MYRFL: variants seen among roughly 807,000 people sequenced by gnomAD.
MYRFL encodes the protein myelin regulatory factor like, also known as myelin regulatory factor-like protein.
Under a neutral mutation model 109.4 loss-of-function variants are expected in MYRFL, and 88 were observed. The observed-to-expected ratio is 0.80, with a 90% CI of 0.68 to 0.96. The LOEUF (loss-of-function observed/expected upper bound fraction) is 0.96. MYRFL is among the 40% of genes least tolerant of loss of function. The pLI is 0.00. For synonymous variants in MYRFL, 324 were observed against 320.9 expected (o/e 1.01, Z -0.10); for missense variants, 957 against 954.9 (o/e 1.00, Z -0.03).
rs1411897632 is a variant in MYRFL, at chr12:69,879,434, C to T, written c.445C>T (p.Pro149Ser). Residue 149 changes from proline (P) to serine (S), a missense_variant, in exon 4 of 25, where the codon CCT becomes TCT. Transcript: ENST00000552032. ...LGIGCSYPQQ[P>S]LCHSPGASLP... The stretch of plus-strand genomic sequence containing the variant: ...GATAGGTTGTTCTTACCCTCAGCAG[C>T]CTCTGTGTCACAGCCCTGGGTAAAG... 7.1e-6 allele frequency: 5 copies of T among 702,662 alleles called. No individual in the cohort carries two copies. Among genetic ancestry groups the T allele is most frequent in the Non-Finnish European group, 1.3e-5 (5 of 384,684 alleles). 43.5% of individuals were successfully genotyped at this position (702,662 alleles called of 1,614,324 possible).
chr12:69,878,437 T>C (rs1364950906), intron 2 of MYRFL, among the ~76,000 whole-genome samples: 1 of 152,096 alleles, frequency 6.6e-6, no homozygotes, highest in Non-Finnish European at 1.5e-5. Flanking sequence ...AAACAGTATG[T>C]ACAACCATTT....
intron 5 of MYRFL, among the ~76,000 whole-genome samples, chr12:69,880,615 G>T (rs916347257): frequency 1.1e-4 from 16 of 152,368 alleles, no homozygotes; most frequent in African/African-American, 3.8e-4. Flanking sequence ...TCAAGAGCCT[G>T]CTGGTGTGCC....
At chr12:69,884,241 G>A (rs1886312528) in intron 5 of MYRFL, among the ~76,000 whole-genome samples, 2 of 152,236 alleles carry the variant, frequency 1.3e-5, no homozygotes, top group Admixed American at 1.3e-4. Context: ...CACCTGTGGT[G>A]CAGAAAGCAC....
rs1336716063 is a variant in MYRFL at position 69,926,932 on chromosome 12, G to GTTTTTTTTTTTTTT, written c.1766+198_1766+199insTTTTTTTTTTTTTT. 3.6e-3 allele frequency among the ~76,000 whole-genome samples: 273 copies of GTTTTTTTTTTTTTT among 76,848 alleles called. 105 individuals are homozygous for GTTTTTTTTTTTTTT. The highest frequency in any genetic ancestry group is 5.7e-3 in the Non-Finnish European group (223 of 39,078). 50.4% of individuals were successfully genotyped at this position (76,848 alleles called of 152,430 possible). ...ACTTTCTTAGTTTTTTTCTGTTGCT[G>GTTTTTTTTTTTTTT]GTTTTTTTTTTTTTTTTTTTTTTTT... On this transcript the variant is annotated intron_variant, in intron 14 of 24. Transcript: ENST00000552032.
At chr12:69,867,989 C>CCCT (rs1312408154) in intron 2 of MYRFL, among the ~76,000 whole-genome samples, 4 of 152,140 alleles carry the variant, frequency 2.6e-5, no homozygotes, top group African/African-American at 9.7e-5. Context: ...ATTTAAAATA[C>CCCT]CCTGTTATTT....
At chr12:69,885,014 C>T (rs1385691902) in intron 5 of MYRFL, among the ~76,000 whole-genome samples, 2 of 152,068 alleles carry the variant, frequency 1.3e-5, no homozygotes, top group African/African-American at 4.8e-5. Context: ...ACCCTTTCTT[C>T]ATTGTAGGAG....
At chr12:69,878,242 C>CA (rs60069243) in intron 2 of MYRFL, among the ~76,000 whole-genome samples, 3,005 of 112,686 alleles carry the variant, frequency 0.027, 67 homozygotes, top group African/African-American at 0.028. Flanking sequence ...GACTCCATCT[C>CA]AAAAAAAAAA....
At chr12:69,925,386 T>G (rs1235304574) in intron 13 of MYRFL, among the ~76,000 whole-genome samples, 1 of 152,196 alleles carries the variant, frequency 6.6e-6, no homozygotes, top group Non-Finnish European at 1.5e-5. Flanking sequence ...TCTGAGTGAT[T>G]GCTCTACAGT....
In MYRFL at chr12:69,886,947, A is replaced by G. The variant is rs1171891584; in HGVS notation, c.684A>G (p.Leu228=). ...QPCHSVPWHS[L]LNSHYEKLPD... ...GCCATAGTGTTCCTTGGCACAGCTT[A>G]TTAAACAGTCATTATGAAAAACTGT... Residue 228 remains leucine (L), a synonymous_variant, in exon 6 of 25, where the codon TTA becomes TTG. Coordinates refer to ENST00000552032, the MANE Select transcript of MYRFL (RefSeq NM_182530.3). The G allele has an allele frequency of 1.6e-5, 25 of 1,535,884 alleles. No homozygotes were observed. The East Asian group carries it at 5.9e-4, about 36-fold the overall frequency.
chr12:69,929,318 G>A (rs1462081369), intron 15 of MYRFL, among the ~76,000 whole-genome samples: 10 of 152,118 alleles, frequency 6.6e-5, no homozygotes, highest in Non-Finnish European at 1.2e-4. Flanking sequence ...GGATGAGTCA[G>A]GTCTCTTCTA....
chr12:69,931,989 A>G (rs59746135), intron 15 of MYRFL, among the ~76,000 whole-genome samples: 1,975 of 152,336 alleles, frequency 0.013, 48 homozygotes, highest in African/African-American at 0.046. Flanking sequence ...ATATCTGTAT[A>G]TACAGGTGAC....
intron 19 of MYRFL, among the ~76,000 whole-genome samples, chr12:69,951,675 G>A (rs1032955257): frequency 7.2e-5 from 11 of 152,082 alleles, no homozygotes; most frequent in Admixed American, 2.0e-4. Flanking sequence ...TGATCTGCCC[G>A]CCTTGGCCTC....
chr12:69,871,194 C>T (rs1885328523), intron 2 of MYRFL, among the ~76,000 whole-genome samples: 1 of 151,964 alleles, frequency 6.6e-6, no homozygotes, highest in Admixed American at 6.6e-5. Context: ...ATTGGCTCCC[C>T]CAGAGGCAGC....
chr12:69,834,956 A>T (rs1418054612), intron 1 of MYRFL, among the ~76,000 whole-genome samples: 1 of 152,168 alleles, frequency 6.6e-6, no homozygotes, highest in Non-Finnish European at 1.5e-5. Context: ...TTGGGGTTAG[A>T]CTCAAAGCTG....
chr12:69,897,208 C>CTGTT lies in MYRFL; in HGVS notation c.1145_1148dup (p.Leu383PhefsTer8). Reference sequence around the variant, plus strand: ...TGCTGCTAACCAAGACCAGTTCTATCTGTTGTCTGCCCACATCTCTGAAAG... The same window carrying CTGTT: ...TGCTGCTAACCAAGACCAGTTCTATCTGTTTGTTGTCTGCCCACATCTCTGAAAG... On this transcript the variant is annotated frameshift_variant, in exon 10 of 25. Coordinates refer to ENST00000552032, the MANE Select transcript of MYRFL (RefSeq NM_182530.3). LOFTEE classifies it high-confidence loss of function. The CTGTT allele has an allele frequency of 6.5e-7, 1 of 1,535,812 alleles. No homozygotes were observed. Among genetic ancestry groups the CTGTT allele is most frequent in the Non-Finnish European group, 8.7e-7 (1 of 1,146,646 alleles).
At chr12:69,944,514 T>A (rs917329421) in intron 19 of MYRFL, among the ~76,000 whole-genome samples, 3 of 135,024 alleles carry the variant, frequency 2.2e-5, no homozygotes, top group African/African-American at 5.6e-5. Context: ...AAGGGGAACA[T>A]CACACTCTGA....
At chr12:69,928,416 G>A (rs1490494423) in intron 15 of MYRFL, among the ~76,000 whole-genome samples, 2 of 152,154 alleles carry the variant, frequency 1.3e-5, no homozygotes, top group Non-Finnish European at 2.9e-5. Flanking sequence ...TCCAGCAGTG[G>A]CCCAAAGGTG....
chr12:69,944,114 A>C (rs148976436), intron 19 of MYRFL, among the ~76,000 whole-genome samples: 3 of 150,810 alleles, frequency 2.0e-5, no homozygotes, highest in African/African-American at 7.4e-5. Context: ...ACCCTTGTGG[A>C]AGTCAGTGAG....
At chr12:69,939,268 A>C (rs1592873223) in intron 19 of MYRFL, among the ~76,000 whole-genome samples, 1 of 152,182 alleles carries the variant, frequency 6.6e-6, no homozygotes, top group Admixed American at 6.5e-5. Flanking sequence ...GACAGCAGTA[A>C]CCTCTGCAGA....
Sources: gnomAD v4.1 joint callset for allele counts (sites outside exome capture counted in the v4.1 genomes callset) on GRCh38, gnomAD v4.1.1 for gene constraint, MANE v1.5 for transcripts, NCBI Gene and HGNC (gene_info 2026-07-23, HGNC 2026-07-21) for gene names.